Variants in LAMA1 observed in about 807,000 individuals in gnomAD.
LAMA1 encodes laminin subunit alpha 1.
A neutral mutation model predicts 348.7 loss-of-function variants in LAMA1; 219 were observed. The ratio of observed to expected loss-of-function variants is 0.63; its 90% CI spans 0.56 to 0.70. The LOEUF (loss-of-function observed/expected upper bound fraction) is 0.70, where lower values mean the gene tolerates loss of function less well. Among genes scored for constraint, LAMA1 ranks in the 30% least tolerant of loss-of-function variants. The pLI, the probability that LAMA1 is intolerant of heterozygous loss-of-function variation, is 0.00. For synonymous variants in LAMA1, 1,487 were observed against 1,491.0 expected (o/e 1.00, Z 0.06); for missense variants, 3,744 against 3,888.0 (o/e 0.96, Z 0.99).
At chr18:6,967,167 A>C (rs879305829) in intron 48 of LAMA1, among the ~76,000 whole-genome samples, 2 of 152,218 alleles carry the variant, frequency 1.3e-5, no homozygotes, top group Non-Finnish European at 2.9e-5. Flanking sequence ...AAAAGAAAAC[A>C]AAACAAAAAA....
At chr18:7,042,667 A>G in intron 8 of LAMA1, 1 of 246,878 alleles carries the variant, frequency 4.1e-6, no homozygotes, top group Non-Finnish European at 8.0e-6. Context: ...GGCGGACCAC[A>G]AGGTCAAGGG....
chr18:7,054,673 C>A (rs1024207728), intron 3 of LAMA1, among the ~76,000 whole-genome samples: 20 of 151,986 alleles, frequency 1.3e-4, no homozygotes, highest in African/African-American at 3.6e-4. Context: ...CGGGTTTAAA[C>A]TACATAGGTC....
At chr18:7,045,772 T>G (rs1361092921) in intron 6 of LAMA1, among the ~76,000 whole-genome samples, 1 of 152,058 alleles carries the variant, frequency 6.6e-6, no homozygotes. Context: ...TTGGCCAGAC[T>G]GGTCTCAAAT....
Position 7,015,845 on chromosome 18 carries a change from T to A in LAMA1, c.3003A>T (p.Pro1001=). The change falls in exon 22 of 63, where the codon CCA becomes CCT. Residue 1001 remains proline, a synonymous_variant. Transcript: ENST00000389658. The part of the protein sequence containing the change: ...QDGSCTPCDC[P]HTQNTCDPET... ...CTGGGTCGCAGGTATTCTGAGTGTG[T>A]GGGCAGTCACAGGCTGAAATAAAGA... 6.2e-7 allele frequency: 1 copy of A among 1,614,112 alleles called. No homozygotes were observed. Among genetic ancestry groups the A allele is most frequent in the Non-Finnish European group, 8.5e-7 (1 of 1,180,018 alleles).
intron 1 of LAMA1, among the ~76,000 whole-genome samples, chr18:7,095,511 GC>G (rs1041408387): frequency 2.0e-5 from 3 of 152,080 alleles, no homozygotes; most frequent in African/African-American, 4.8e-5. Flanking sequence ...CCTGTCTCCA[GC>G]CCCCAGGCTC....
chr18:6,989,949 T>C (rs973160959), intron 36 of LAMA1, among the ~76,000 whole-genome samples: 1 of 152,214 alleles, frequency 6.6e-6, no homozygotes, highest in Non-Finnish European at 1.5e-5. Context: ...CATGGGACAC[T>C]AGTGTTATAG....
chr18:6,964,098 A>G (rs2057621492), intron 51 of LAMA1: 1 of 158,136 alleles, frequency 6.3e-6, no homozygotes, highest in Admixed American at 6.0e-5. Flanking sequence ...GACAGCAAGT[A>G]GGGTCTCCAA....
chr18:7,064,949 G>C (rs1440763999), intron 3 of LAMA1, among the ~76,000 whole-genome samples: 1 of 152,118 alleles, frequency 6.6e-6, no homozygotes, highest in Non-Finnish European at 1.5e-5. Flanking sequence ...ATTAAGAATA[G>C]CCAAGGCCGG....
chr18:7,050,842 C>T lies in LAMA1; in HGVS notation c.440G>A (p.Ser147Asn), dbSNP rs897206668. ...LERSLDGTTFSPWQYYAVSDS... is the reference protein window; with the variant it reads ...LERSLDGTTFNPWQYYAVSDS... Reference sequence around the variant, plus strand: ...GCTGACTGCATAATACTGCCAGGGGCTGAACGTGGTGCCATCCAGAGAACG... The same window carrying T: ...GCTGACTGCATAATACTGCCAGGGGTTGAACGTGGTGCCATCCAGAGAACG... The change falls in exon 4 of 63, where the codon AGC (serine) becomes AAC (asparagine). Residue 147 changes from serine (S) to asparagine (N), a missense_variant. Coordinates refer to ENST00000389658, the MANE Select transcript of LAMA1 (RefSeq NM_005559.4). The T allele has an allele frequency of 3.1e-6, 5 of 1,614,176 alleles. No individual in the cohort carries two copies. Among genetic ancestry groups the T allele is most frequent in the Non-Finnish European group, 3.4e-6 (4 of 1,180,036 alleles).
At position 6,943,258 on chromosome 18, in the gene LAMA1, C is replaced by A; in HGVS notation, c.8989G>T (p.Ala2997Ser). 1.2e-6 allele frequency: 2 copies of A among 1,614,196 alleles called. No homozygotes were observed. The highest frequency in any genetic ancestry group is 2.2e-5 in the South Asian group (2 of 91,084). ...GTGTGTGGACTTTCAGCGCCAACTG[C>A]GTTCCCGTCAACAATCAGAGTGATA... ...HRITLIVDGN[A>S]VGAESPHTQS... The change falls in exon 62 of 63, where the codon GCA (alanine) becomes TCA (serine). Residue 2997 changes from alanine (A) to serine (S), a missense_variant. This residue lies in a region of LAMA1 where 232 missense variants were observed against 264.4 expected (regional missense o/e 0.88). Transcript: ENST00000389658.
intron 9 of LAMA1, among the ~76,000 whole-genome samples, chr18:7,041,608 G>A (rs917327149): frequency 5.9e-5 from 9 of 152,184 alleles, no homozygotes; most frequent in African/African-American, 1.7e-4. Context: ...TTTTTGAAAC[G>A]GAAAGAGAAC....
At chr18:7,099,988 G>C (rs1021857566) in intron 1 of LAMA1, among the ~76,000 whole-genome samples, 2 of 148,566 alleles carry the variant, frequency 1.3e-5, no homozygotes, top group African/African-American at 4.9e-5. Flanking sequence ...GAACCAGGGA[G>C]GCGGAGCTTG....
chr18:6,986,398 T>C (rs1220411081), intron 36 of LAMA1, 51 bp from the exon 37 acceptor site: 2 of 1,565,436 alleles, frequency 1.3e-6, no homozygotes, highest in Admixed American at 1.7e-5. Flanking sequence ...ACAAAGCTCC[T>C]ATCTCTGAAA....
chr18:7,033,740 A>G (rs2057981680), intron 14 of LAMA1, among the ~76,000 whole-genome samples: 1 of 116,434 alleles, frequency 8.6e-6, no homozygotes, highest in Non-Finnish European at 1.8e-5. Flanking sequence ...GATGCATACA[A>G]CTTTTTTTTT....
intron 35 of LAMA1, among the ~76,000 whole-genome samples, chr18:6,993,302 C>G (rs1241443891): frequency 6.6e-6 from 1 of 152,154 alleles, no homozygotes; most frequent in Non-Finnish European, 1.5e-5. Flanking sequence ...GATGGATATA[C>G]TTGGTACCTA....
At chr18:7,017,860 A>C (rs1425741390) in intron 19 of LAMA1, among the ~76,000 whole-genome samples, 3 of 152,178 alleles carry the variant, frequency 2.0e-5, no homozygotes, top group Non-Finnish European at 4.4e-5. Flanking sequence ...ATGATATCCC[A>C]GTTCTAAGTC....
intron 1 of LAMA1, among the ~76,000 whole-genome samples, chr18:7,101,954 T>C (rs1213060932): frequency 6.6e-6 from 1 of 151,914 alleles, no homozygotes; most frequent in Non-Finnish European, 1.5e-5. Flanking sequence ...GCTGAGATTA[T>C]AGGTGTGACC....
chr18:6,949,322 T>A, intron 58 of LAMA1, 63 bp from the exon 59 acceptor site: 1 of 1,494,704 alleles, frequency 6.7e-7, no homozygotes, highest in Non-Finnish European at 9.3e-7. Context: ...AACAGATGTA[T>A]AAACTTTAAC....
At chr18:7,006,849 A>G (rs1175106602) in intron 29 of LAMA1, among the ~76,000 whole-genome samples, 1 of 152,206 alleles carries the variant, frequency 6.6e-6, no homozygotes, top group Non-Finnish European at 1.5e-5. Context: ...ACTGTCCTAT[A>G]TGTGATCTGT....
Sources: allele counts gnomAD v4.1 joint callset (sites outside exome capture counted in the v4.1 genomes callset), GRCh38; gene constraint gnomAD v4.1.1; regional missense constraint gnomAD v4.1.1; transcripts MANE v1.5; gene names NCBI Gene and HGNC (gene_info 2026-07-23, HGNC 2026-07-21).